The following NSL1 variants were observed in gnomAD, a reference collection of about 807,000 sequenced individuals.
NSL1 encodes the protein kinetochore-associated protein NSL1 homolog.
NSL1 carries 11 observed loss-of-function variants against 25.4 expected under a neutral mutation model. That is an observed-to-expected ratio of 0.43 (90% CI 0.27 to 0.72). NSL1 has a LOEUF of 0.72. Ranked by LOEUF, NSL1 falls within the 30% of genes least tolerant of loss-of-function variation. The pLI is 0.19. For synonymous variants in NSL1, 118 were observed against 120.6 expected, an observed-to-expected ratio of 0.98 and a Z score of 0.14; for missense variants, 330 against 342.7, an observed-to-expected ratio of 0.96 and a Z score of 0.29.
At chr1:212,783,010 G>GA (rs992078200) in intron 3 of NSL1, among the ~76,000 whole-genome samples, 2 of 151,916 alleles carry the variant, frequency 1.3e-5, no homozygotes, top group African/African-American at 4.8e-5. Flanking sequence ...AAAACAAGAA[G>GA]AAAAAAAGGT....
intron 4 of NSL1, among the ~76,000 whole-genome samples, chr1:212,741,338 T>A (rs1253573484): frequency 6.6e-6 from 1 of 152,202 alleles, no homozygotes; most frequent in East Asian, 1.9e-4. Context: ...ATGATGTATC[T>A]TCCATGGGCT....
In NSL1 at chr1:212,730,237, CAAAAAAAAAAAA is replaced by C. The variant is rs532313864; in HGVS notation, c.*8159_*8170del. On this transcript the variant is annotated 3_prime_UTR_variant, in exon 6 of 6. Transcript: ENST00000366977. ...TACACTCCAGCCTGGGTGACAGTCT[CAAAAAAAAAAAA>C]AAAAAAAAAAAAAAAAGAAATGCGC... The C allele has an allele frequency of 4.1e-3, 2,468 of 603,940 alleles. 45 individuals are homozygous for C. The African/African-American group carries it at 0.1, about 25-fold the overall frequency. 37.4% of individuals were successfully genotyped at this position (603,940 alleles called of 1,614,324 possible). A position where few individuals can be genotyped will look rare whatever the true frequency, so the allele number is the denominator to read the frequency against.
At chr1:212,790,782 G>C (rs1235553761) in intron 1 of NSL1, among the ~76,000 whole-genome samples, 2 of 151,992 alleles carry the variant, frequency 1.3e-5, no homozygotes, top group African/African-American at 4.8e-5. Flanking sequence ...AATTAGCCGG[G>C]CGTGGTGGCA....
intron 4 of NSL1, among the ~76,000 whole-genome samples, chr1:212,756,785 A>C (rs1477374017): frequency 1.3e-5 from 2 of 152,184 alleles, no homozygotes; most frequent in Non-Finnish European, 2.9e-5. Flanking sequence ...GTGCCACTGC[A>C]TTCCAGCCTG....
chr1:212,757,193 C>T (rs1659354751), intron 4 of NSL1, among the ~76,000 whole-genome samples: 1 of 151,982 alleles, frequency 6.6e-6, no homozygotes, highest in South Asian at 2.1e-4. Flanking sequence ...GTTAGTGGAG[C>T]ACAGTAAGCG....
At chr1:212,751,008 T>A (rs1030663560) in intron 4 of NSL1, among the ~76,000 whole-genome samples, 2 of 152,150 alleles carry the variant, frequency 1.3e-5, no homozygotes, top group African/African-American at 4.8e-5. Context: ...AGAAAGAATA[T>A]ACTCGTAGTA....
chr1:212,775,532 C>T (rs1402311398), intron 4 of NSL1, among the ~76,000 whole-genome samples: 2 of 151,186 alleles, frequency 1.3e-5, no homozygotes, highest in Non-Finnish European at 2.9e-5. Context: ...GAGGCCAAGG[C>T]AGGAGGATCA....
intron 1 of NSL1, 127 bp downstream of exon 1, chr1:212,791,403 T>C: frequency 1.2e-6 from 1 of 829,906 alleles, no homozygotes; most frequent in South Asian, 1.7e-5. Context: ...TTTCTCGAAC[T>C]GGTTCTACAG....
rs540683060 is a variant in NSL1, at chr1:212,731,308, C to A, written c.*7100G>T. 20 of 983,082 alleles carry A rather than the reference C, an allele frequency of 2.0e-5. No homozygotes were observed. The African/African-American group carries it at 3.3e-4, about 16-fold the overall frequency. 60.9% of individuals were successfully genotyped at this position (983,082 alleles called of 1,614,324 possible). Reference sequence around the variant, plus strand: ...CAGTGGCTCATTCCTGTAATCCCAGCACTTTGGGAAGCTGAGGCAGGAGGA... The same window carrying A: ...CAGTGGCTCATTCCTGTAATCCCAGAACTTTGGGAAGCTGAGGCAGGAGGA... On this transcript the variant is annotated 3_prime_UTR_variant, in exon 6 of 6. Coordinates refer to ENST00000366977, the MANE Select transcript of NSL1 (RefSeq NM_015471.4).
At chr1:212,743,672 C>A (rs531129616) in intron 4 of NSL1, among the ~76,000 whole-genome samples, 2 of 152,176 alleles carry the variant, frequency 1.3e-5, no homozygotes, top group African/African-American at 4.8e-5. Context: ...AAAGGCCCAT[C>A]CCTCCACAGA....
At chr1:212,778,005 G>A (rs766463939) in intron 4 of NSL1, among the ~76,000 whole-genome samples, 2 of 152,186 alleles carry the variant, frequency 1.3e-5, no homozygotes, top group Non-Finnish European at 2.9e-5. Context: ...TGGTAACCTA[G>A]AATAGAGATG....
rs989875579 is a variant in NSL1 at position 212,735,191 on chromosome 1, A to G, written c.*3217T>C. 1.9e-6 allele frequency: 1 copy of G among 515,726 alleles called. No homozygotes were observed. The highest frequency in any genetic ancestry group is 2.5e-6 in the Non-Finnish European group (1 of 401,082). 31.9% of individuals were successfully genotyped at this position (515,726 alleles called of 1,614,324 possible). A position where few individuals can be genotyped will look rare whatever the true frequency, so the allele number is the denominator to read the frequency against. On this transcript the variant is annotated 3_prime_UTR_variant, in exon 6 of 6. Transcript: ENST00000366977. ...TGCTCTTTAAGATCTCTGACTTTTG[A>G]TCATAGACAGGTTAAGTAACTTGTC...
intron 4 of NSL1, among the ~76,000 whole-genome samples, chr1:212,776,345 AAG>A (rs1344507144): frequency 6.6e-6 from 1 of 151,720 alleles, no homozygotes; most frequent in Admixed American, 6.6e-5. Flanking sequence ...CCTGGGCAAC[AAG>A]AGAGAAACTC....
intron 4 of NSL1, 28 bp downstream of exon 4, chr1:212,782,344 T>C: frequency 6.4e-7 from 1 of 1,554,850 alleles, no homozygotes; most frequent in Non-Finnish European, 8.9e-7. Context: ...AGATGCTTCA[T>C]TTTTACCACA....
intron 4 of NSL1, chr1:212,766,188 C>A: frequency 1.6e-6 from 1 of 627,824 alleles, no homozygotes; most frequent in South Asian, 1.8e-5. Flanking sequence ...AAGAGACTTA[C>A]CTCGAAGTAA....
chr1:212,752,450 G>A (rs1381497609), intron 4 of NSL1, among the ~76,000 whole-genome samples: 1 of 152,080 alleles, frequency 6.6e-6, no homozygotes, highest in Non-Finnish European at 1.5e-5. Flanking sequence ...CAAAAGAACT[G>A]GAAGTATCAT....
At chr1:212,751,306 G>C (rs1571877956) in intron 4 of NSL1, among the ~76,000 whole-genome samples, 2 of 152,158 alleles carry the variant, frequency 1.3e-5, no homozygotes, top group African/African-American at 4.8e-5. Context: ...TCAATCTTAT[G>C]CAATTTTAGC....
intron 4 of NSL1, among the ~76,000 whole-genome samples, chr1:212,745,846 T>C (rs906076634): frequency 6.6e-6 from 1 of 152,116 alleles, no homozygotes; most frequent in Non-Finnish European, 1.5e-5. Context: ...ATGCCTGTAG[T>C]CCCAGCTACT....
In NSL1 at chr1:212,728,570, T is replaced by A; in HGVS notation, c.*9838A>T. On this transcript the variant is annotated 3_prime_UTR_variant, in exon 6 of 6. Coordinates refer to ENST00000366977, the MANE Select transcript of NSL1 (RefSeq NM_015471.4). The stretch of plus-strand genomic sequence containing the variant: ...TTTTCAAATCAGATTTACAGAGGGA[T>A]AGAAATGAGAAAAGGAGTTTTATGT... 1 of 985,454 alleles carries A rather than the reference T, an allele frequency of 1.0e-6. No homozygotes were observed. Among genetic ancestry groups the A allele is most frequent in the African/African-American group, 1.7e-5 (1 of 57,370 alleles). The allele number at this position is 985,454 out of a possible 1,614,324, so 61.0% of individuals were successfully genotyped here.
Sources: allele counts gnomAD v4.1 joint callset (sites outside exome capture counted in the v4.1 genomes callset), GRCh38; gene constraint gnomAD v4.1.1; transcripts MANE v1.5; gene names NCBI Gene and HGNC (gene_info 2026-07-23, HGNC 2026-07-21).